Variants in ZFHX3 observed in about 807,000 individuals in gnomAD.
The protein encoded by ZFHX3 is zinc finger homeobox 3, also known as zinc finger homeobox protein 3.
In ZFHX3, 42 loss-of-function variants were observed where a neutral mutation model predicts 279.1. The observed-to-expected ratio is 0.15, with a 90% CI of 0.12 to 0.19. The LOEUF is 0.19. Among genes scored for constraint, ZFHX3 ranks in the 10% least tolerant of loss-of-function variants. The pLI is 1.00. For missense variants in ZFHX3, 4,981 were observed against 4,754.0 expected (o/e 1.05, Z -1.40); for synonymous variants, 2,293 against 1,957.8 (o/e 1.17, Z -4.52).
At chr16:73,130,689 C>T (rs1392357039) in intron 7 of ZFHX3, among the ~76,000 whole-genome samples, 1 of 152,248 alleles carries the variant, frequency 6.6e-6, no homozygotes, top group African/African-American at 2.4e-5. Flanking sequence ...CTCACGGCAA[C>T]CTCCGCTGCC....
intron 2 of ZFHX3, among the ~76,000 whole-genome samples, chr16:73,528,705 G>A (rs755372915): frequency 7.9e-5 from 12 of 152,176 alleles, no homozygotes; most frequent in Admixed American, 2.0e-4. Flanking sequence ...AAGTAGTGAC[G>A]ATGTGTTGGC....
intron 1 of ZFHX3, among the ~76,000 whole-genome samples, chr16:73,017,384 C>A (rs1330716986): frequency 6.6e-6 from 1 of 152,044 alleles, no homozygotes; most frequent in East Asian, 1.9e-4. Context: ...CAAAAAATAT[C>A]CCCTGTTGGC....
chr16:73,191,181 G>A (rs1329242982), intron 5 of ZFHX3, among the ~76,000 whole-genome samples: 1 of 152,044 alleles, frequency 6.6e-6, no homozygotes, highest in African/African-American at 2.4e-5. Context: ...TTAAAAATCT[G>A]AAAATGAAAC....
intron 1 of ZFHX3, among the ~76,000 whole-genome samples, chr16:73,738,119 G>A (rs982965604): frequency 1.3e-5 from 2 of 152,228 alleles, no homozygotes; most frequent in Non-Finnish European, 2.9e-5. Context: ...TCTTAAAGAA[G>A]ACACTCTTTT....
At chr16:73,875,911 C>T (rs562249035) in intron 1 of ZFHX3, among the ~76,000 whole-genome samples, 40 of 152,280 alleles carry the variant, frequency 2.6e-4, no homozygotes, top group African/African-American at 9.6e-4. Context: ...AATATATACA[C>T]ATGATTTTGC....
intron 1 of ZFHX3, among the ~76,000 whole-genome samples, chr16:73,827,732 C>A (rs1244327979): frequency 1.1e-5 from 1 of 91,426 alleles, no homozygotes. Context: ...GATTCTTAAT[C>A]CTGAGTTCTA....
At chr16:73,323,129 C>T (rs546935211) in intron 3 of ZFHX3, among the ~76,000 whole-genome samples, 6 of 152,244 alleles carry the variant, frequency 3.9e-5, no homozygotes, top group South Asian at 2.1e-4. Context: ...GAGCGATCAT[C>T]ATGGCTGGGG....
intron 4 of ZFHX3, among the ~76,000 whole-genome samples, chr16:73,285,406 T>G (rs1171119129): frequency 6.6e-6 from 1 of 152,176 alleles, no homozygotes; most frequent in East Asian, 1.9e-4. Flanking sequence ...AAAAGTGGCA[T>G]GAAAAAAATC....
At chr16:72,895,669 A>T (rs192310026) in intron 3 of ZFHX3, among the ~76,000 whole-genome samples, 36 of 152,290 alleles carry the variant, frequency 2.4e-4, no homozygotes, top group African/African-American at 8.7e-4. Flanking sequence ...AAAAAGAAAT[A>T]AAAAATTAGC....
intron 8 of ZFHX3, among the ~76,000 whole-genome samples, chr16:73,092,129 C>T (rs1427243108): frequency 6.6e-6 from 1 of 152,196 alleles, no homozygotes; most frequent in Admixed American, 6.5e-5. Context: ...GGGAAAGTCA[C>T]TTAGTAACTT....
chr16:72,837,929 T>G (rs1041566333), intron 4 of ZFHX3, among the ~76,000 whole-genome samples: 7 of 152,158 alleles, frequency 4.6e-5, no homozygotes, highest in African/African-American at 1.7e-4. Flanking sequence ...CATGGATCCT[T>G]TAAGTAATCA....
upstream of ZFHX3, among the ~76,000 whole-genome samples, chr16:73,051,688 G>A (rs2144727583): frequency 6.6e-6 from 1 of 152,302 alleles, no homozygotes; most frequent in South Asian, 2.1e-4. Flanking sequence ...TTTAAAAGCT[G>A]TGATTTCGGA....
chr16:73,444,695 A>C (rs905472358), intron 3 of ZFHX3, among the ~76,000 whole-genome samples: 5 of 152,250 alleles, frequency 3.3e-5, no homozygotes, highest in African/African-American at 1.2e-4. Context: ...GGTGCATGTC[A>C]GATAGCAACT....
chr16:73,872,009 G>C (rs1408900954), intron 1 of ZFHX3, among the ~76,000 whole-genome samples: 1 of 152,130 alleles, frequency 6.6e-6, no homozygotes, highest in African/African-American at 2.4e-5. Context: ...ATTTTTTATA[G>C]GTCTAACTGT....
At chr16:73,251,233 G>A (rs2013477301) in intron 5 of ZFHX3, among the ~76,000 whole-genome samples, 2 of 152,114 alleles carry the variant, frequency 1.3e-5, no homozygotes, top group African/African-American at 4.8e-5. Flanking sequence ...TCTTAGTGAG[G>A]GTACTATGGG....
chr16:73,490,862 C>T (rs1047357399), intron 2 of ZFHX3, among the ~76,000 whole-genome samples: 7 of 151,980 alleles, frequency 4.6e-5, no homozygotes, highest in African/African-American at 1.4e-4. Context: ...AATAAAACAC[C>T]GCCTCTCCAA....
At chr16:73,596,627 T>C (rs2052053691) in intron 2 of ZFHX3, among the ~76,000 whole-genome samples, 1 of 152,174 alleles carries the variant, frequency 6.6e-6, no homozygotes, top group South Asian at 2.1e-4. Flanking sequence ...AGCTTTAATA[T>C]TACTCTTTTC....
intron 1 of ZFHX3, among the ~76,000 whole-genome samples, chr16:72,970,328 G>C (rs1483599720): frequency 1.3e-5 from 2 of 151,856 alleles, no homozygotes; most frequent in African/African-American, 4.8e-5. Flanking sequence ...TTTATGCTCT[G>C]CCTTGTTCTA....
chr16:73,578,954 G>T (rs527325260), intron 2 of ZFHX3, among the ~76,000 whole-genome samples: 1 of 152,146 alleles, frequency 6.6e-6, no homozygotes, highest in East Asian at 1.9e-4. Context: ...AACGAGTTCA[G>T]GCTGTGATGA....
Sources: gnomAD v4.1 joint callset for allele counts (sites outside exome capture counted in the v4.1 genomes callset) on GRCh38, gnomAD v4.1.1 for gene constraint, MANE v1.5 for transcripts, NCBI Gene and HGNC (gene_info 2026-07-23, HGNC 2026-07-21) for gene names.